The following PRR16 variants were observed in gnomAD, a reference collection of about 807,000 sequenced individuals.
The protein encoded by PRR16 is proline rich 16.
Under a neutral mutation model 18.2 loss-of-function variants are expected in PRR16, and 6 were observed. That is an observed-to-expected ratio of 0.33 (90% confidence interval 0.18 to 0.65). The LOEUF (loss-of-function observed/expected upper bound fraction) is 0.65, where lower values mean the gene tolerates loss of function less well. Among genes scored for constraint, PRR16 ranks in the 30% least tolerant of loss-of-function variants. The pLI is 0.74. For missense variants in PRR16, 412 were observed against 376.6 expected, an observed-to-expected ratio of 1.09 and a Z score of -0.78; for synonymous variants, 151 against 147.8, an observed-to-expected ratio of 1.02 and a Z score of -0.16.
chr5:120,588,114 G>A (rs1479300707), intron 1 of PRR16, among the ~76,000 whole-genome samples: 2 of 152,120 alleles, frequency 1.3e-5, no homozygotes, highest in Admixed American at 6.6e-5. Context: ...CTGAATTGCT[G>A]CAATTTTATG....
the PRR16 span, among the ~76,000 whole-genome samples, chr5:120,759,013 G>C: frequency 9.6e-6 from 1 of 104,138 alleles, no homozygotes; most frequent in Admixed American, 1.5e-4. Context: ...TCTTGCTTCT[G>C]TCACCCAGGC....
At chr5:120,586,604 A>G (rs879262640) in intron 1 of PRR16, among the ~76,000 whole-genome samples, 4 of 152,134 alleles carry the variant, frequency 2.6e-5, no homozygotes, top group East Asian at 1.9e-4. Flanking sequence ...GTGGTCTTCA[A>G]TGTTACTATT....
At chr5:120,638,831 GA>G (rs1298951964) in intron 1 of PRR16, among the ~76,000 whole-genome samples, 3 of 152,024 alleles carry the variant, frequency 2.0e-5, no homozygotes, top group African/African-American at 7.2e-5. Flanking sequence ...GAAGAAAAGG[GA>G]AAAATTTTCT....
At chr5:120,540,661 G>A (rs957812252) in intron 1 of PRR16, among the ~76,000 whole-genome samples, 1 of 151,948 alleles carries the variant, frequency 6.6e-6, no homozygotes, top group Admixed American at 6.6e-5. Flanking sequence ...TTTATGCCTA[G>A]TGTTCCATTA....
intron 1 of PRR16, among the ~76,000 whole-genome samples, chr5:120,516,446 A>G (rs1580673902): frequency 6.9e-6 from 1 of 144,298 alleles, no homozygotes; most frequent in East Asian, 2.0e-4. Flanking sequence ...AAAAAAAAAA[A>G]GCAAGATGTC....
chr5:120,575,552 A>G (rs1347528922), intron 1 of PRR16, among the ~76,000 whole-genome samples: 1 of 152,198 alleles, frequency 6.6e-6, no homozygotes, highest in East Asian at 1.9e-4. Context: ...ATGAAGGCCA[A>G]AACATCATAA....
intron 1 of PRR16, among the ~76,000 whole-genome samples, chr5:120,678,084 T>C (rs1308934902): frequency 1.3e-5 from 2 of 152,048 alleles, no homozygotes; most frequent in African/African-American, 4.8e-5. Context: ...TAATTTTTTG[T>C]ATTTTTAGTA....
At chr5:120,593,423 C>T (rs1326954392) in intron 1 of PRR16, among the ~76,000 whole-genome samples, 2 of 151,908 alleles carry the variant, frequency 1.3e-5, no homozygotes, top group Admixed American at 6.6e-5. Flanking sequence ...AATTCCTAGA[C>T]ACCTAACACC....
chr5:120,639,330 A>G (rs1755346901), intron 1 of PRR16, among the ~76,000 whole-genome samples: 1 of 152,130 alleles, frequency 6.6e-6, no homozygotes. Context: ...ATAATGTTCT[A>G]ACTGAATAGG....
chr5:120,698,434 T>G, the PRR16 span, among the ~76,000 whole-genome samples: 5 of 151,596 alleles, frequency 3.3e-5, no homozygotes, highest in African/African-American at 1.2e-4. Context: ...CAAAGATTAT[T>G]TATTTACTTC....
At chr5:120,649,765 T>C (rs1580830769) in intron 1 of PRR16, among the ~76,000 whole-genome samples, 1 of 152,238 alleles carries the variant, frequency 6.6e-6, no homozygotes, top group South Asian at 2.1e-4. Context: ...CCCACTAGAC[T>C]TTTAAATACT....
intron 1 of PRR16, among the ~76,000 whole-genome samples, chr5:120,499,260 C>A (rs1750367369): frequency 6.6e-6 from 1 of 151,996 alleles, no homozygotes; most frequent in Non-Finnish European, 1.5e-5. Context: ...CAGGCAGGCA[C>A]CACCACGCCT....
At chr5:120,558,553 C>T (rs1302528160) in intron 1 of PRR16, among the ~76,000 whole-genome samples, 7 of 151,806 alleles carry the variant, frequency 4.6e-5, no homozygotes, top group South Asian at 2.1e-4. Flanking sequence ...CATCTATTGA[C>T]GGATTCTTAG....
At chr5:120,763,840 C>A in the PRR16 span, among the ~76,000 whole-genome samples, 1 of 151,166 alleles carries the variant, frequency 6.6e-6, no homozygotes, top group African/African-American at 2.4e-5. Flanking sequence ...GAATTGGGTT[C>A]TTCGTTTCTT....
At chr5:120,707,771 A>G in the PRR16 span, among the ~76,000 whole-genome samples, 1 of 152,202 alleles carries the variant, frequency 6.6e-6, no homozygotes, top group African/African-American at 2.4e-5. Flanking sequence ...CAATTATTTC[A>G]ATTGTTAGTA....
At chr5:120,774,979 T>C in the PRR16 span, among the ~76,000 whole-genome samples, 1 of 152,180 alleles carries the variant, frequency 6.6e-6, no homozygotes, top group Admixed American at 6.5e-5. Context: ...ATTATCTTCC[T>C]TCCATGCAGC....
intron 1 of PRR16, among the ~76,000 whole-genome samples, chr5:120,596,280 C>A (rs190149307): frequency 6.6e-6 from 1 of 151,744 alleles, no homozygotes; most frequent in East Asian, 1.9e-4. Flanking sequence ...ACCTAAACTT[C>A]ATCTGGATAC....
chr5:120,597,101 C>G (rs1300786032), intron 1 of PRR16, among the ~76,000 whole-genome samples: 1 of 151,500 alleles, frequency 6.6e-6, no homozygotes. Context: ...ATTTGCCATT[C>G]AGTAATTTTT....
the PRR16 span, among the ~76,000 whole-genome samples, chr5:120,776,511 CATT>C: frequency 1.3e-5 from 2 of 151,948 alleles, no homozygotes; most frequent in Non-Finnish European, 2.9e-5. Context: ...GAGCTCTAAA[CATT>C]AGAGCTTGGA....
Sources: gnomAD v4.1 joint callset for allele counts (sites outside exome capture counted in the v4.1 genomes callset) on GRCh38, gnomAD v4.1.1 for gene constraint, MANE v1.5 for transcripts, NCBI Gene and HGNC (gene_info 2026-07-23, HGNC 2026-07-21) for gene names.